Variants in RARB observed in about 807,000 individuals in gnomAD.
RARB encodes the protein HBV-activated protein.
A neutral mutation model predicts 51.9 loss-of-function variants in RARB; 17 were observed. The ratio of observed to expected loss-of-function variants is 0.33; its 90% confidence interval spans 0.22 to 0.49. The LOEUF (loss-of-function observed/expected upper bound fraction) is 0.49. RARB is among the 20% of genes least tolerant of loss of function. RARB has a pLI of 0.99. For synonymous variants in RARB, 215 were observed against 195.4 expected (o/e 1.10, Z -0.84); for missense variants, 369 against 550.8 (o/e 0.67, Z 3.30).
chr3:25,208,571 A>G (rs772902264), intron 5 of RARB, among the ~76,000 whole-genome samples: 2 of 152,168 alleles, frequency 1.3e-5, no homozygotes, highest in Non-Finnish European at 2.9e-5. Flanking sequence ...CTGTGTTGAA[A>G]TAGGATACTG....
intron 4 of RARB, among the ~76,000 whole-genome samples, chr3:25,147,395 G>A (rs1204627031): frequency 6.6e-6 from 1 of 152,078 alleles, no homozygotes; most frequent in Non-Finnish European, 1.5e-5. Flanking sequence ...CACATCTCTG[G>A]GGTGCCCTAT....
chr3:25,146,683 GT>G (rs144626912), intron 4 of RARB, among the ~76,000 whole-genome samples: 1 of 150,744 alleles, frequency 6.6e-6, no homozygotes, highest in Non-Finnish European at 1.5e-5. Context: ...TTTTTGTGGG[GT>G]TTTTTTTGTA....
At chr3:25,475,553 AATAAC>A (rs1232742495) in intron 2 of RARB, among the ~76,000 whole-genome samples, 1 of 152,208 alleles carries the variant, frequency 6.6e-6, no homozygotes, top group African/African-American at 2.4e-5. Flanking sequence ...GGAAAGAAAA[AATAAC>A]AGAAAAATTT....
chr3:25,494,563 C>T (rs1443434607), intron 2 of RARB, among the ~76,000 whole-genome samples: 1 of 152,176 alleles, frequency 6.6e-6, no homozygotes, highest in African/African-American at 2.4e-5. Flanking sequence ...AAGTTCTTAT[C>T]GCACTGCTTG....
At chr3:25,584,046 C>T (rs1299098457) in intron 5 of RARB, among the ~76,000 whole-genome samples, 3 of 152,150 alleles carry the variant, frequency 2.0e-5, no homozygotes, top group Non-Finnish European at 4.4e-5. Flanking sequence ...TTCTCCTCTG[C>T]ACGTAATTAG....
In RARB at chr3:25,591,834, C is replaced by T. The variant is rs189444151; in HGVS notation, c.787-1669C>T. 6.4e-4 allele frequency among the ~76,000 whole-genome samples: 98 copies of T among 152,322 alleles called. 1 individual carries two copies. The highest frequency in any genetic ancestry group is 1.9e-3 in the Admixed American group (29 of 15,302). On this transcript the variant is annotated intron_variant, in intron 5 of 7. Transcript: ENST00000330688. Reference sequence around the variant, plus strand: ...CTATAGGATGTCCTGGTGCCTTCCTCCTTATCCACGCTGGAGTCCTTTGTG... The same window carrying T: ...CTATAGGATGTCCTGGTGCCTTCCTTCTTATCCACGCTGGAGTCCTTTGTG...
chr3:25,534,590 C>T (rs537399290), intron 3 of RARB, among the ~76,000 whole-genome samples: 7 of 152,278 alleles, frequency 4.6e-5, no homozygotes, highest in Non-Finnish European at 8.8e-5. Context: ...CTGGGCCCCC[C>T]GGCACAGTGT....
chr3:25,268,156 T>C (rs1703168653), intron 5 of RARB, among the ~76,000 whole-genome samples: 2 of 152,208 alleles, frequency 1.3e-5, no homozygotes, highest in Admixed American at 6.5e-5. Flanking sequence ...TTTTAATCTT[T>C]TAACAGCTCT....
intron 2 of RARB, among the ~76,000 whole-genome samples, chr3:24,897,802 A>G (rs1452217994): frequency 1.3e-5 from 2 of 149,864 alleles, no homozygotes; most frequent in Admixed American, 1.3e-4. Flanking sequence ...AAATAGGTTT[A>G]AATAAAACTT....
intron 2 of RARB, among the ~76,000 whole-genome samples, chr3:24,890,081 GTAGCCTAAGTGTGACTTAGGCTTAC>G: frequency 6.6e-6 from 1 of 152,128 alleles, no homozygotes; most frequent in Admixed American, 6.5e-5. Flanking sequence ...AAGAATTAGG[GTAGCCTAAGTGTGACTTAGGCTTAC>G]TACTATTTGT....
intron 2 of RARB, among the ~76,000 whole-genome samples, chr3:24,961,688 C>T (rs1204854880): frequency 6.6e-6 from 1 of 152,108 alleles, no homozygotes; most frequent in African/African-American, 2.4e-5. Flanking sequence ...GATGGATCAA[C>T]TCAGAACAGG....
chr3:25,303,084 T>C (rs879491365), intron 5 of RARB, among the ~76,000 whole-genome samples: 1 of 152,232 alleles, frequency 6.6e-6, no homozygotes, highest in Non-Finnish European at 1.5e-5. Flanking sequence ...TTTATTCTCT[T>C]ATTTCCTTGA....
intron 5 of RARB, among the ~76,000 whole-genome samples, chr3:25,405,931 G>C (rs1288068736): frequency 6.7e-6 from 1 of 148,938 alleles, no homozygotes; most frequent in South Asian, 2.2e-4. Context: ...CAGAGGGACG[G>C]CATGAGCCAA....
intron 5 of RARB, among the ~76,000 whole-genome samples, chr3:25,247,964 C>A (rs1292174317): frequency 6.6e-6 from 1 of 152,154 alleles, no homozygotes; most frequent in Admixed American, 6.5e-5. Context: ...CTGCTTAATG[C>A]TGAGAGTGGA....
Position 25,253,288 on chromosome 3 carries a change from A to C in RARB, c.178+78713A>C, listed in dbSNP as rs561314250. 4.6e-5 allele frequency among the ~76,000 whole-genome samples: 7 copies of C among 152,282 alleles called. No individual in the cohort carries two copies. In the South Asian group the frequency reaches 1.4e-3, roughly 32 times the overall value. ...GAAGGAAAGGAGGGCTGAGTTGTAC[A>C]TCCGTATTTTGCCTATCTTAAAAGA... is the stretch of plus-strand genomic sequence containing the variant. On this transcript the variant is annotated intron_variant, in intron 5 of 11. Coordinates refer to the RARB transcript ENST00000383772.
chr3:25,478,748 C>T (rs2125578706), intron 2 of RARB, among the ~76,000 whole-genome samples: 1 of 152,328 alleles, frequency 6.6e-6, no homozygotes, highest in East Asian at 1.9e-4. Context: ...AAACAGACCG[C>T]AAGCTGATCT....
chr3:25,399,348 C>T (rs965876279), intron 5 of RARB, among the ~76,000 whole-genome samples: 5 of 152,202 alleles, frequency 3.3e-5, no homozygotes, highest in African/African-American at 1.2e-4. Context: ...ACTCCATCTT[C>T]CAAATCCCCT....
chr3:25,065,041 G>A (rs1698634022), intron 3 of RARB, among the ~76,000 whole-genome samples: 1 of 152,118 alleles, frequency 6.6e-6, no homozygotes, highest in African/African-American at 2.4e-5. Context: ...TGATGGAGAA[G>A]GAAGTCACTA....
At chr3:25,236,485 G>A (rs1702302474) in intron 5 of RARB, among the ~76,000 whole-genome samples, 1 of 151,954 alleles carries the variant, frequency 6.6e-6, no homozygotes, top group Admixed American at 6.6e-5. Context: ...CAAAAGCCAT[G>A]AACAATACAT....
Sources: gnomAD v4.1 joint callset for allele counts (sites outside exome capture counted in the v4.1 genomes callset) on GRCh38, gnomAD v4.1.1 for gene constraint, MANE v1.5 for transcripts, NCBI Gene and HGNC (gene_info 2026-07-23, HGNC 2026-07-21) for gene names.